Variants in WWOX observed in about 807,000 individuals in gnomAD.
The protein encoded by WWOX is WW domain-containing oxidoreductase.
Under a neutral mutation model 46.2 loss-of-function variants are expected in WWOX, and 69 were observed. That is an observed-to-expected ratio of 1.49 (90% CI 1.23 to 1.82). WWOX has a LOEUF of 1.82. Ranked by LOEUF, WWOX falls within the 40% of genes most tolerant of loss-of-function variation. WWOX has a pLI of 0.00. For synonymous variants in WWOX, 359 were observed against 202.6 expected (o/e 1.77, Z -6.56); for missense variants, 919 against 542.6 (o/e 1.69, Z -6.89).
intron 6 of WWOX, among the ~76,000 whole-genome samples, chr16:78,407,611 T>A (rs1045403683): frequency 2.6e-5 from 4 of 152,192 alleles, no homozygotes; most frequent in African/African-American, 7.2e-5. Flanking sequence ...ATATGTCTCA[T>A]TCTTGGGTTC....
At chr16:78,998,401 A>G (rs890669956) in intron 8 of WWOX, among the ~76,000 whole-genome samples, 10 of 152,110 alleles carry the variant, frequency 6.6e-5, no homozygotes, top group Admixed American at 1.3e-4. Flanking sequence ...TACTGCCTTC[A>G]CAGAAGATGC....
intron 8 of WWOX, among the ~76,000 whole-genome samples, chr16:78,697,038 C>T (rs1358224680): frequency 6.6e-6 from 1 of 152,102 alleles, no homozygotes. Context: ...TATATTTATA[C>T]CGTAGTTTCT....
intron 8 of WWOX, among the ~76,000 whole-genome samples, chr16:78,858,321 T>C (rs2052616633): frequency 9.8e-6 from 1 of 101,670 alleles, no homozygotes. Context: ...TATGTAGTCA[T>C]ATATATATAT....
chr16:78,890,355 GACCTCCATCATT>G (rs1184814577), intron 8 of WWOX: 7 of 152,004 alleles, frequency 4.6e-5, no homozygotes, highest in South Asian at 2.1e-4. Context: ...TCTTAAATTT[GACCTCCATCATT>G]CTTAAATTTG....
intron 5 of WWOX, among the ~76,000 whole-genome samples, chr16:78,320,691 G>A (rs372576876): frequency 6.6e-6 from 1 of 152,152 alleles, no homozygotes; most frequent in Non-Finnish European, 1.5e-5. Context: ...ATGTTTTCAA[G>A]TATCTGGATG....
At chr16:78,387,097 C>T (rs150413335) in intron 6 of WWOX, 149 bp downstream of exon 6, 204 of 772,418 alleles carry the variant, frequency 2.6e-4, no homozygotes, top group Non-Finnish European at 3.6e-4. Context: ...TTAAGGTGAA[C>T]CGTATTTTCT....
intron 8 of WWOX, among the ~76,000 whole-genome samples, chr16:78,642,598 C>G (rs546920963): frequency 6.6e-6 from 1 of 152,074 alleles, no homozygotes; most frequent in Non-Finnish European, 1.5e-5. Flanking sequence ...CAAGTTGAGT[C>G]TCCATGTTTT....
intron 8 of WWOX, among the ~76,000 whole-genome samples, chr16:78,979,831 T>C (rs1001581252): frequency 6.6e-6 from 1 of 152,148 alleles, no homozygotes; most frequent in Admixed American, 6.6e-5. Context: ...GGTAGTGATA[T>C]AGAATAAATC....
At chr16:78,823,689 C>T (rs1338522256) in intron 8 of WWOX, among the ~76,000 whole-genome samples, 2 of 152,064 alleles carry the variant, frequency 1.3e-5, no homozygotes, top group Non-Finnish European at 2.9e-5. Context: ...GCATTTAAGG[C>T]CCGCCGAGCC....
intron 5 of WWOX, among the ~76,000 whole-genome samples, chr16:78,291,372 A>C (rs1742637384): frequency 6.6e-6 from 1 of 152,226 alleles, no homozygotes; most frequent in South Asian, 2.1e-4. Context: ...TAATTGGCTG[A>C]ACATGTTCTA....
chr16:78,635,616 GGTT>G (rs2046548579), intron 8 of WWOX, among the ~76,000 whole-genome samples: 1 of 152,110 alleles, frequency 6.6e-6, no homozygotes, highest in Non-Finnish European at 1.5e-5. Context: ...TTTATTCAAG[GGTT>G]GTTGAGAGGA....
Position 78,935,441 on chromosome 16 carries a change from T to A in WWOX, c.1057-276167T>A, listed in dbSNP as rs147741477. 7.1e-3 allele frequency among the ~76,000 whole-genome samples: 1,075 copies of A among 152,258 alleles called. 9 individuals carry two copies. The highest frequency in any genetic ancestry group is 0.025 in the African/African-American group (1,024 of 41,554). On this transcript the variant is annotated intron_variant, in intron 8 of 8. Coordinates refer to ENST00000566780, the MANE Select transcript of WWOX (RefSeq NM_016373.4). ...ACACAGCCATAAAAAAAGGATGAGT[T>A]CATGTCTCTTGTAGGGACATGGATG... is the stretch of plus-strand genomic sequence containing the variant.
chr16:78,694,165 A>G lies in WWOX; in HGVS notation c.1056+261413A>G, dbSNP rs539132312. Among the ~76,000 whole-genome samples the G allele has an allele frequency of 6.6e-5, 10 of 152,276 alleles. No homozygotes were observed. In the East Asian group the frequency reaches 1.9e-3, roughly 29 times the overall value. On this transcript the variant is annotated intron_variant, in intron 8 of 8. Coordinates refer to ENST00000566780, the MANE Select transcript of WWOX (RefSeq NM_016373.4). ...GAGGCAGAGGTTGCGGTGAGCTGAG[A>G]TCGCACTACTTCATTCCAGCCTGGG...
intron 8 of WWOX, among the ~76,000 whole-genome samples, chr16:78,532,947 G>A (rs72803920): frequency 0.054 from 8,263 of 152,240 alleles, 294 homozygotes; most frequent in Non-Finnish European, 0.08. Flanking sequence ...AGGGACCAAG[G>A]CCTGATGAAG....
chr16:78,399,223 G>A (rs1353246748), intron 6 of WWOX, among the ~76,000 whole-genome samples: 1 of 152,232 alleles, frequency 6.6e-6, no homozygotes, highest in Non-Finnish European at 1.5e-5. Flanking sequence ...GAAACACATA[G>A]TACTGTTAGG....
At chr16:78,666,752 T>C (rs572463671) in intron 8 of WWOX, among the ~76,000 whole-genome samples, 1 of 152,190 alleles carries the variant, frequency 6.6e-6, no homozygotes, top group South Asian at 2.1e-4. Context: ...TGGGACTGTT[T>C]GGTTGTGTTC....
At chr16:78,268,103 G>A (rs1338889284) in intron 5 of WWOX, among the ~76,000 whole-genome samples, 1 of 152,220 alleles carries the variant, frequency 6.6e-6, no homozygotes, top group Non-Finnish European at 1.5e-5. Flanking sequence ...ACAGGCGTGA[G>A]CCGCCGTGTC....
chr16:78,662,945 A>C (rs943153470), intron 8 of WWOX, among the ~76,000 whole-genome samples: 1 of 152,194 alleles, frequency 6.6e-6, no homozygotes, highest in African/African-American at 2.4e-5. Context: ...GACCGCAGCC[A>C]GGGTGTTTTT....
At chr16:78,935,781 C>T (rs1008673064) in intron 8 of WWOX, among the ~76,000 whole-genome samples, 1 of 151,944 alleles carries the variant, frequency 6.6e-6, no homozygotes, top group African/African-American at 2.4e-5. Flanking sequence ...GGCGTGATGG[C>T]ACCTGCCTGT....
Sources: allele counts gnomAD v4.1 joint callset (sites outside exome capture counted in the v4.1 genomes callset), GRCh38; gene constraint gnomAD v4.1.1; transcripts MANE v1.5; gene names NCBI Gene and HGNC (gene_info 2026-07-23, HGNC 2026-07-21).